The following CMIP variants were observed in gnomAD, a reference collection of about 807,000 sequenced individuals.
CMIP encodes the protein c-Maf inducing protein.
CMIP carries 13 observed loss-of-function variants against 97.3 expected under a neutral mutation model. That is an observed-to-expected ratio of 0.13 (90% CI 0.09 to 0.21). The LOEUF (loss-of-function observed/expected upper bound fraction) is 0.21. CMIP is among the 10% of genes least tolerant of loss of function. The probability of loss-of-function intolerance (pLI) is 1.00; values close to 1 mark genes in which losing one functional copy is unlikely to be tolerated. For missense variants in CMIP, 847 were observed against 1,024.9 expected (o/e 0.83, Z 2.37); for synonymous variants, 538 against 436.3 (o/e 1.23, Z -2.91).
chr16:81,661,347 A>G (rs1275881131), intron 6 of CMIP, among the ~76,000 whole-genome samples: 2 of 152,192 alleles, frequency 1.3e-5, no homozygotes, highest in Non-Finnish European at 2.9e-5. Flanking sequence ...GCTCCAGGTT[A>G]GCTTAGAGGA....
intron 15 of CMIP, chr16:81,700,470 C>T (rs1456600317): frequency 6.5e-6 from 1 of 152,710 alleles, no homozygotes; most frequent in Non-Finnish European, 1.5e-5. Context: ...GGAACCAAGG[C>T]AGAAGCCATG....
At chr16:81,612,559 G>A (rs1010601493) in intron 2 of CMIP, among the ~76,000 whole-genome samples, 7 of 152,328 alleles carry the variant, frequency 4.6e-5, no homozygotes, top group East Asian at 3.9e-4. Flanking sequence ...AAACTGGGCC[G>A]GGGAAGGGGA....
At chr16:81,626,411 A>G (rs2092064335) in intron 3 of CMIP, among the ~76,000 whole-genome samples, 1 of 147,214 alleles carries the variant, frequency 6.8e-6, no homozygotes, top group Non-Finnish European at 1.5e-5. Context: ...GTGTGGGGTG[A>G]CTATGAGTGT....
intron 1 of CMIP, among the ~76,000 whole-genome samples, chr16:81,586,825 T>A (rs1047947347): frequency 4.6e-5 from 7 of 152,280 alleles, no homozygotes; most frequent in Middle Eastern, 3.4e-3. Context: ...GGTTCTGGAC[T>A]ATGTCACACA....
chr16:81,645,889 T>C, intron 3 of CMIP: 1 of 486,822 alleles, frequency 2.1e-6, no homozygotes, highest in Non-Finnish European at 3.7e-6. Context: ...GTTATTCTTA[T>C]CCTGATTTGC....
chr16:81,482,939 C>T (rs1386394988), intron 1 of CMIP, among the ~76,000 whole-genome samples: 3 of 152,320 alleles, frequency 2.0e-5, no homozygotes, highest in South Asian at 2.1e-4. Flanking sequence ...ATGGCGGTGG[C>T]GCGTCCACTG....
At chr16:81,447,276 G>A (rs1905916115) in intron 1 of CMIP, among the ~76,000 whole-genome samples, 1 of 151,538 alleles carries the variant, frequency 6.6e-6, no homozygotes, top group Admixed American at 6.6e-5. Context: ...CAAAATGAAG[G>A]GTTGTTGGTG....
chr16:81,599,402 T>C (rs568090536), intron 1 of CMIP, among the ~76,000 whole-genome samples: 1 of 152,264 alleles, frequency 6.6e-6, no homozygotes, highest in Admixed American at 6.5e-5. Context: ...AAAAAGAACA[T>C]GAAATATTTT....
chr16:81,478,670 G>A (rs916333425), intron 1 of CMIP, among the ~76,000 whole-genome samples: 3 of 152,150 alleles, frequency 2.0e-5, no homozygotes, highest in South Asian at 2.1e-4. Context: ...AGAGCCTCCC[G>A]GTGGGAAGAA....
At position 81,532,644 on chromosome 16, in the gene CMIP, C is replaced by G. The variant is rs540020766; in HGVS notation, c.301-74923C>G. Reference sequence around the variant, plus strand: ...GCGGGAGGCGAAGCCAGGAGACCCACCTGGTGCCAGGGAAGAGCTGTCACC... The same window carrying G: ...GCGGGAGGCGAAGCCAGGAGACCCAGCTGGTGCCAGGGAAGAGCTGTCACC... On this transcript the variant is annotated intron_variant, in intron 1 of 20. Transcript: ENST00000537098. 1.6e-4 allele frequency among the ~76,000 whole-genome samples: 24 copies of G among 152,272 alleles called. No homozygotes were observed. In the South Asian group the frequency reaches 4.8e-3, roughly 30 times the overall value.
intron 1 of CMIP, among the ~76,000 whole-genome samples, chr16:81,447,237 T>A (rs1905912097): frequency 7.2e-6 from 1 of 139,630 alleles, no homozygotes; most frequent in African/African-American, 2.6e-5. Context: ...TTTATTGGGC[T>A]TTTTTTTTTT....
intron 1 of CMIP, among the ~76,000 whole-genome samples, chr16:81,497,599 G>A (rs1295725358): frequency 6.6e-6 from 1 of 152,246 alleles, no homozygotes; most frequent in South Asian, 2.1e-4. Context: ...TCTTGCCGGT[G>A]ATGCCCAGGC....
chr16:81,459,557 T>C (rs916705928), intron 1 of CMIP, among the ~76,000 whole-genome samples: 4 of 152,220 alleles, frequency 2.6e-5, no homozygotes, highest in Non-Finnish European at 5.9e-5. Context: ...CAGCAGTGCT[T>C]GGGAAATAAG....
intron 10 of CMIP, among the ~76,000 whole-genome samples, chr16:81,683,746 TTTTC>T (rs1905103001): frequency 6.7e-6 from 1 of 148,578 alleles, no homozygotes; most frequent in African/African-American, 2.5e-5. Context: ...TGTGTTTATT[TTTTC>T]TTTTTCTTTT....
chr16:81,525,822 T>C (rs1597506821), intron 1 of CMIP, among the ~76,000 whole-genome samples: 1 of 152,224 alleles, frequency 6.6e-6, no homozygotes, highest in African/African-American at 2.4e-5. Context: ...TCTGTGTGTA[T>C]GCATTTGACT....
intron 5 of CMIP, among the ~76,000 whole-genome samples, chr16:81,659,467 G>A (rs953923195): frequency 2.6e-5 from 4 of 152,302 alleles, no homozygotes; most frequent in African/African-American, 7.2e-5. Context: ...AATCTTAAAG[G>A]ATAGATAGGA....
intron 5 of CMIP, among the ~76,000 whole-genome samples, chr16:81,658,868 G>T (rs962284349): frequency 2.0e-5 from 3 of 152,216 alleles, no homozygotes; most frequent in Non-Finnish European, 4.4e-5. Context: ...CGCTCCTCTA[G>T]CCGAATCAGG....
chr16:81,700,358 C>T (rs1358183582), intron 15 of CMIP, among the ~76,000 whole-genome samples: 1 of 152,158 alleles, frequency 6.6e-6, no homozygotes, highest in Non-Finnish European at 1.5e-5. Flanking sequence ...TGCTGCTCCT[C>T]TCTCTCCCTG....
intron 1 of CMIP, among the ~76,000 whole-genome samples, chr16:81,483,599 T>TCTTCCTCTC (rs1567538157): frequency 3.4e-5 from 5 of 145,710 alleles, no homozygotes; most frequent in African/African-American, 1.0e-4. Flanking sequence ...CTCTTCCTCT[T>TCTTCCTCTC]CCTCTCCCTC....
Sources: allele counts gnomAD v4.1 joint callset (sites outside exome capture counted in the v4.1 genomes callset), GRCh38; gene constraint gnomAD v4.1.1; transcripts MANE v1.5; gene names NCBI Gene and HGNC (gene_info 2026-07-23, HGNC 2026-07-21).